Variants in PRKN observed in about 807,000 individuals in gnomAD.
The protein encoded by PRKN is E3 ubiquitin-protein ligase parkin.
A neutral mutation model predicts 59.5 loss-of-function variants in PRKN; 56 were observed. The observed-to-expected ratio is 0.94, with a 90% CI of 0.76 to 1.18. PRKN has a LOEUF of 1.18. Ranked by LOEUF, PRKN falls within the 50% of genes most tolerant of loss-of-function variation. The pLI is 0.00. For synonymous variants in PRKN, 250 were observed against 222.1 expected (o/e 1.13, Z -1.12); for missense variants, 657 against 596.4 (o/e 1.10, Z -1.06).
At chr6:162,005,303 A>G (rs1476336673) in intron 5 of PRKN, among the ~76,000 whole-genome samples, 1 of 152,244 alleles carries the variant, frequency 6.6e-6, no homozygotes, top group Admixed American at 6.5e-5. Context: ...GAATACCAGG[A>G]AAGTTGTTCA....
intron 1 of PRKN, among the ~76,000 whole-genome samples, chr6:162,710,151 G>T (rs1407510888): frequency 6.6e-6 from 1 of 151,996 alleles, no homozygotes; most frequent in African/African-American, 2.4e-5. Flanking sequence ...TCTTTGTGCG[G>T]ACCATCAACT....
intron 3 of PRKN, among the ~76,000 whole-genome samples, chr6:162,236,725 G>A (rs1326544468): frequency 3.9e-5 from 6 of 151,952 alleles, no homozygotes; most frequent in Non-Finnish European, 7.4e-5. Context: ...AACCTGGGAC[G>A]CAGAGGTTGC....
Position 161,545,532 on chromosome 6 carries a change from T to C in PRKN, c.1083+3322A>G. 2.2e-6 allele frequency: 2 copies of C among 909,054 alleles called. No homozygotes were observed. The highest frequency in any genetic ancestry group is 1.8e-6 in the Non-Finnish European group (1 of 555,576). The allele number at this position is 909,054 out of a possible 1,614,324, so 56.3% of individuals were successfully genotyped here. A position where few individuals can be genotyped will look rare whatever the true frequency, so the allele number is the denominator to read the frequency against. On this transcript the variant is annotated intron_variant, in intron 9 of 11. Transcript: ENST00000366898. The surrounding 1 kb of genome is among the most constrained non-coding windows in gnomAD (Gnocchi z 4.1). ...CTGAAATGACATAATCTAACCACAA[T>C]TTCTTCCAGACAATGGCTTTCCATT...
At chr6:161,938,921 A>C (rs1465933863) in intron 6 of PRKN, among the ~76,000 whole-genome samples, 1 of 152,212 alleles carries the variant, frequency 6.6e-6, no homozygotes, top group Non-Finnish European at 1.5e-5. Flanking sequence ...ACTGGTTTTT[A>C]ACATCTGACT....
intron 7 of PRKN, among the ~76,000 whole-genome samples, chr6:161,635,166 T>A (rs1460913770): frequency 1.3e-5 from 2 of 152,110 alleles, no homozygotes; most frequent in Admixed American, 1.3e-4. Flanking sequence ...AGTGGTGAAG[T>A]AGAAAAAAGA....
At chr6:162,093,418 G>T (rs374489522) in intron 4 of PRKN, among the ~76,000 whole-genome samples, 1 of 151,980 alleles carries the variant, frequency 6.6e-6, no homozygotes, top group East Asian at 1.9e-4. Flanking sequence ...TAACCAATTT[G>T]CAGATCTCCG....
intron 7 of PRKN, among the ~76,000 whole-genome samples, chr6:161,571,191 C>T (rs977722219): frequency 6.6e-6 from 1 of 152,140 alleles, no homozygotes; most frequent in African/African-American, 2.4e-5. Context: ...GTGACGCTCC[C>T]GCTTCAGCCT....
chr6:161,817,864 C>T (rs1791856781), intron 6 of PRKN, among the ~76,000 whole-genome samples: 1 of 152,154 alleles, frequency 6.6e-6, no homozygotes, highest in Admixed American at 6.5e-5. Context: ...TGCCAAGCTT[C>T]CAGAAAACAC....
intron 1 of PRKN, among the ~76,000 whole-genome samples, chr6:162,495,705 A>T (rs896004463): frequency 2.6e-5 from 4 of 152,068 alleles, no homozygotes; most frequent in African/African-American, 9.7e-5. Context: ...TCAATTTTAA[A>T]ACACTGCCGC....
chr6:162,082,423 T>C (rs1779093968), intron 4 of PRKN, among the ~76,000 whole-genome samples: 1 of 152,106 alleles, frequency 6.6e-6, no homozygotes, highest in Non-Finnish European at 1.5e-5. Context: ...TCCTCTGGAT[T>C]AGGTTTTTGG....
At chr6:162,263,342 T>C (rs1479143036) in intron 2 of PRKN, 1 of 183,028 alleles carries the variant, frequency 5.5e-6, no homozygotes, top group Admixed American at 5.3e-5. Context: ...TTATTATCAA[T>C]GAGAGGGCAT....
intron 4 of PRKN, among the ~76,000 whole-genome samples, chr6:162,192,065 A>G (rs73594262): frequency 6.6e-6 from 1 of 152,102 alleles, no homozygotes; most frequent in South Asian, 2.1e-4. Flanking sequence ...AGAGAACCTT[A>G]TTTTTTCTTT....
chr6:161,784,900 T>C (rs961382384), intron 7 of PRKN, among the ~76,000 whole-genome samples: 1 of 152,162 alleles, frequency 6.6e-6, no homozygotes, highest in Non-Finnish European at 1.5e-5. Flanking sequence ...TTGTGGGGTA[T>C]CCACACAGTG....
intron 1 of PRKN, among the ~76,000 whole-genome samples, chr6:162,670,629 C>T (rs1160227397): frequency 6.6e-6 from 1 of 152,152 alleles, no homozygotes; most frequent in African/African-American, 2.4e-5. Context: ...AGAAAGAATG[C>T]TGGGACCTGA....
intron 1 of PRKN, among the ~76,000 whole-genome samples, chr6:162,697,575 G>A (rs1360283694): frequency 6.6e-6 from 1 of 152,092 alleles, no homozygotes; most frequent in African/African-American, 2.4e-5. Flanking sequence ...TGCCTTTTTT[G>A]GAGATTATAG....
In PRKN at chr6:162,629,245, CTGAGT is replaced by C. The variant is rs200067329; in HGVS notation, c.7+98412_7+98416del. ...GAATGCATAAATCTAAGTTTCAATG[CTGAGT>C]TAATTAAGGAAAGTCCAATTTTATA... On this transcript the variant is annotated intron_variant, in intron 1 of 11. Transcript: ENST00000366898. Among the ~76,000 whole-genome samples the C allele has an allele frequency of 2.8e-3, 424 of 152,162 alleles. 8 individuals are homozygous for C. The highest frequency in any genetic ancestry group is 0.021 in the Admixed American group (317 of 15,280).
chr6:162,525,294 T>C (rs1778235009), intron 1 of PRKN, among the ~76,000 whole-genome samples: 1 of 152,138 alleles, frequency 6.6e-6, no homozygotes, highest in African/African-American at 2.4e-5. Context: ...TGACTTCATC[T>C]CCAGCTGCTG....
At chr6:161,883,469 A>G (rs1188345974) in intron 6 of PRKN, among the ~76,000 whole-genome samples, 1 of 141,684 alleles carries the variant, frequency 7.1e-6, no homozygotes, top group African/African-American at 2.6e-5. Flanking sequence ...CCTGGGTGAC[A>G]GAGCAAGACT....
intron 7 of PRKN, among the ~76,000 whole-genome samples, chr6:161,618,881 T>C (rs193057723): frequency 3.9e-4 from 59 of 152,328 alleles, no homozygotes; most frequent in Non-Finnish European, 6.6e-4. Flanking sequence ...GGAAGGATTT[T>C]AGCCACCAGG....
Sources: gnomAD v4.1 joint callset for allele counts (sites outside exome capture counted in the v4.1 genomes callset) on GRCh38, gnomAD v4.1.1 for gene constraint, Gnocchi (gnomAD v3.1) non-coding constraint, MANE v1.5 for transcripts, NCBI Gene and HGNC (gene_info 2026-07-23, HGNC 2026-07-21) for gene names.